Variants in MAPK10 observed in about 807,000 individuals in gnomAD.
MAPK10 encodes mitogen-activated protein kinase 10, also known as JNK3 alpha protein kinase.
Under a neutral mutation model 59.3 loss-of-function variants are expected in MAPK10, and 25 were observed. The ratio of observed to expected loss-of-function variants is 0.42; its 90% CI spans 0.31 to 0.59. The LOEUF (loss-of-function observed/expected upper bound fraction) is 0.59, where lower values mean the gene tolerates loss of function less well. Among genes scored for constraint, MAPK10 ranks in the 20% least tolerant of loss-of-function variants. The pLI, the probability that MAPK10 is intolerant of heterozygous loss-of-function variation, is 0.15. For synonymous variants in MAPK10, 190 were observed against 200.5 expected (o/e 0.95, Z 0.44); for missense variants, 351 against 568.9 (o/e 0.62, Z 3.90).
At chr4:86,073,306 A>T (rs1217555882) in intron 9 of MAPK10, among the ~76,000 whole-genome samples, 1 of 150,800 alleles carries the variant, frequency 6.6e-6, no homozygotes, top group East Asian at 2.0e-4. Context: ...TAGTCTTGCT[A>T]GCGGTCTATC....
chr4:86,580,412 T>C (rs1267647030), intron 1 of MAPK10, among the ~76,000 whole-genome samples: 1 of 151,952 alleles, frequency 6.6e-6, no homozygotes, highest in African/African-American at 2.4e-5. Context: ...GGCAGGAGAA[T>C]TGCTTGAAGC....
intron 1 of MAPK10, among the ~76,000 whole-genome samples, chr4:86,438,781 A>G (rs1749076968): frequency 6.6e-6 from 1 of 151,952 alleles, no homozygotes; most frequent in African/African-American, 2.4e-5. Context: ...GAACCATCAG[A>G]CTACCATGCA....
intron 9 of MAPK10, among the ~76,000 whole-genome samples, chr4:86,096,198 A>G (rs182877850): frequency 1.1e-4 from 16 of 151,884 alleles, no homozygotes; most frequent in African/African-American, 3.9e-4. Flanking sequence ...AGGTTCATAC[A>G]TATCAAGGAT....
At chr4:86,071,519 G>C (rs1431663142) in intron 9 of MAPK10, among the ~76,000 whole-genome samples, 1 of 146,754 alleles carries the variant, frequency 6.8e-6, no homozygotes, top group African/African-American at 2.6e-5. Context: ...GGTTTTTATG[G>C]TTTTAGGTCT....
chr4:86,446,210 A>G (rs913396831), intron 1 of MAPK10, among the ~76,000 whole-genome samples: 1 of 152,262 alleles, frequency 6.6e-6, no homozygotes, highest in East Asian at 1.9e-4. Context: ...AATGTATTTG[A>G]AAGTGGATTT....
Position 86,031,357 on chromosome 4 carries a change from A to G in MAPK10, c.1174+11T>C, listed in dbSNP as rs1427976486. ...AAATAAAAAGTATACTTTTTTAAGT[A>G]GTAGACTTACCTTTCCATTCTTCAA... On this transcript the variant is annotated intron_variant, in intron 12 of 13. Coordinates refer to ENST00000641462, the MANE Select transcript of MAPK10 (RefSeq NM_138982.4). The G allele has an allele frequency of 1.3e-6, 2 of 1,581,584 alleles. No homozygotes were observed. The highest frequency in any genetic ancestry group is 3.3e-5 in the Admixed American group (2 of 59,924).
At chr4:86,482,286 T>C (rs1753667646) in intron 1 of MAPK10, among the ~76,000 whole-genome samples, 1 of 152,188 alleles carries the variant, frequency 6.6e-6, no homozygotes, top group Non-Finnish European at 1.5e-5. Context: ...TAGGTGATTA[T>C]GAATTGTGAG....
chr4:86,184,276 C>T lies in MAPK10; in HGVS notation c.66+10060G>A, dbSNP rs115173132. On this transcript the variant is annotated intron_variant, in intron 3 of 13. Coordinates refer to ENST00000641462, the MANE Select transcript of MAPK10 (RefSeq NM_138982.4). ...TTCTAGGGTTTTTATGGTTTTATGT[C>T]GGTTGGTATGTTTTTTAAGTGTTAA... Among the ~76,000 whole-genome samples, 689 of 151,952 alleles carry T rather than the reference C, an allele frequency of 4.5e-3. 2 individuals are homozygous for T. Among genetic ancestry groups the T allele is most frequent in the African/African-American group, 0.016 (648 of 41,430 alleles).
intron 1 of MAPK10, among the ~76,000 whole-genome samples, chr4:86,507,938 C>A (rs1755929663): frequency 6.6e-6 from 1 of 151,418 alleles, no homozygotes. Flanking sequence ...AAAAAAAATA[C>A]TCCTGTAGAC....
intron 1 of MAPK10, among the ~76,000 whole-genome samples, chr4:86,500,582 G>A (rs1189206139): frequency 6.6e-6 from 1 of 152,014 alleles, no homozygotes; most frequent in Non-Finnish European, 1.5e-5. Flanking sequence ...AAGCATTATT[G>A]GCACCTGTAT....
intron 3 of MAPK10, among the ~76,000 whole-genome samples, chr4:86,165,536 C>G (rs986821529): frequency 7.6e-5 from 11 of 145,554 alleles, no homozygotes; most frequent in African/African-American, 2.6e-4. Flanking sequence ...GCCACCACTC[C>G]CAGATAATTT....
chr4:86,167,979 C>G (rs1191626898), intron 3 of MAPK10, among the ~76,000 whole-genome samples: 1 of 152,132 alleles, frequency 6.6e-6, no homozygotes, highest in Non-Finnish European at 1.5e-5. Flanking sequence ...CTAGAAAATC[C>G]CATTGTCTCA....
At chr4:86,339,899 A>G (rs1723871383) in intron 2 of MAPK10, among the ~76,000 whole-genome samples, 1 of 152,220 alleles carries the variant, frequency 6.6e-6, no homozygotes, top group African/African-American at 2.4e-5. Context: ...CTTCCCATTT[A>G]TTTCTCATAT....
chr4:86,103,690 TA>T (rs1419062426), intron 5 of MAPK10, among the ~76,000 whole-genome samples: 2 of 152,090 alleles, frequency 1.3e-5, no homozygotes, highest in Admixed American at 1.3e-4. Flanking sequence ...GTTGTTACTT[TA>T]TATTTTTTTT....
At position 86,249,611 on chromosome 4, in the gene MAPK10, G is replaced by T. The variant is rs557209547; in HGVS notation, c.-6-55204C>A. 2.6e-5 allele frequency among the ~76,000 whole-genome samples: 4 copies of T among 152,210 alleles called. No individual in the cohort carries two copies. In the South Asian group the frequency reaches 8.3e-4, roughly 32 times the overall value. On this transcript the variant is annotated intron_variant, in intron 2 of 13. Transcript: ENST00000641462. ...AAATACGGTTTGGAAGTGATTTGGG[G>T]TCAGTCAGAACCAGGTCTATCTGCA... is the stretch of plus-strand genomic sequence containing the variant.
chr4:86,028,994 G>T, intron 13 of MAPK10: 1 of 647,144 alleles, frequency 1.5e-6, no homozygotes, highest in Non-Finnish European at 2.8e-6. Context: ...TTTTTGTACT[G>T]GATCATTACC....
intron 3 of MAPK10, among the ~76,000 whole-genome samples, chr4:86,160,795 A>G (rs1354532970): frequency 6.6e-6 from 1 of 152,054 alleles, no homozygotes; most frequent in Non-Finnish European, 1.5e-5. Flanking sequence ...CTGAAAATCG[A>G]ATTCTGATAT....
intron 2 of MAPK10, among the ~76,000 whole-genome samples, chr4:86,259,547 A>G (rs995493293): frequency 6.6e-6 from 1 of 152,146 alleles, no homozygotes; most frequent in Non-Finnish European, 1.5e-5. Flanking sequence ...TTATGCAGCC[A>G]GGAAGCATTC....
intron 2 of MAPK10, among the ~76,000 whole-genome samples, chr4:86,297,932 T>C (rs943753724): frequency 6.6e-6 from 1 of 152,190 alleles, no homozygotes; most frequent in Admixed American, 6.5e-5. Context: ...TCCAGGTTCA[T>C]GGCTGACATC....
Sources: allele counts gnomAD v4.1 joint callset (sites outside exome capture counted in the v4.1 genomes callset), GRCh38; gene constraint gnomAD v4.1.1; transcripts MANE v1.5; gene names NCBI Gene and HGNC (gene_info 2026-07-23, HGNC 2026-07-21).